The following SRP9 variants were observed in gnomAD, a reference collection of about 807,000 sequenced individuals.
SRP9 encodes signal recognition particle 9 kDa protein.
Under a neutral mutation model 11.7 loss-of-function variants are expected in SRP9, and 2 were observed. The observed-to-expected ratio is 0.17, with a 90% CI of 0.07 to 0.54. SRP9 has a LOEUF of 0.54. Among genes scored for constraint, SRP9 ranks in the 20% least tolerant of loss-of-function variants. SRP9 has a pLI of 0.94. For missense variants in SRP9, 54 were observed against 108.1 expected, an observed-to-expected ratio of 0.50 and a Z score of 2.22; for synonymous variants, 27 against 35.6, an observed-to-expected ratio of 0.76 and a Z score of 0.86.
At chr1:225,783,435 ATTTAC>A (rs886905335) in intron 2 of SRP9, 67 bp downstream of exon 2, 1 of 1,329,234 alleles carries the variant, frequency 7.5e-7, no homozygotes, top group South Asian at 1.2e-5. Flanking sequence ...GTTTGAAATT[ATTTAC>A]TTAGAGTTTA....
intron 2 of SRP9, 26 bp from the exon 3 acceptor site, chr1:225,789,214 A>C: frequency 6.2e-7 from 1 of 1,603,262 alleles, no homozygotes; most frequent in Non-Finnish European, 8.5e-7. Flanking sequence ...TATATAGTTA[A>C]TATGTACTTC....
At chr1:225,782,249 C>T (rs1665814662) in intron 1 of SRP9, among the ~76,000 whole-genome samples, 1 of 151,974 alleles carries the variant, frequency 6.6e-6, no homozygotes, top group Non-Finnish European at 1.5e-5. Context: ...CTGCAAGCTC[C>T]ACCTCCCTGG....
At chr1:225,784,891 C>T (rs1341386232) in intron 2 of SRP9, among the ~76,000 whole-genome samples, 1 of 152,008 alleles carries the variant, frequency 6.6e-6, no homozygotes, top group Non-Finnish European at 1.5e-5. Flanking sequence ...TACCTTCCTA[C>T]CTTTAGTTGC....
Position 225,778,078 on chromosome 1 carries a change from C to A in SRP9, c.72+66C>A. ...GGATGTCTTCCCGCCATCCACTCGGCCCCTGGAGCTTCCCCAGCGCTCCCA... is the reference window on the plus strand; with the variant it reads ...GGATGTCTTCCCGCCATCCACTCGGACCCTGGAGCTTCCCCAGCGCTCCCA... On this transcript the variant is annotated intron_variant, in intron 1 of 2. Coordinates refer to ENST00000304786, the MANE Select transcript of SRP9 (RefSeq NM_003133.6). 4 of 1,568,852 alleles carry A rather than the reference C, an allele frequency of 2.5e-6. No homozygotes were observed. The South Asian group carries it at 4.5e-5, about 18-fold the overall frequency.
At chr1:225,787,987 T>C (rs1665951078) in intron 2 of SRP9, among the ~76,000 whole-genome samples, 1 of 152,218 alleles carries the variant, frequency 6.6e-6, no homozygotes, top group African/African-American at 2.4e-5. Context: ...TAGTTCCTGT[T>C]GTTTAAAACT....
chr1:225,784,125 T>G (rs1665849790), intron 2 of SRP9, among the ~76,000 whole-genome samples: 2 of 151,896 alleles, frequency 1.3e-5, no homozygotes, highest in Non-Finnish European at 2.9e-5. Context: ...CTATGTCTAC[T>G]TGCAAATGTG....
intron 2 of SRP9, among the ~76,000 whole-genome samples, chr1:225,785,414 G>A (rs779787754): frequency 2.0e-5 from 3 of 150,452 alleles, no homozygotes; most frequent in Admixed American, 1.3e-4. Flanking sequence ...ATGGAGTCTC[G>A]CTCTGTCGCC....
At chr1:225,785,042 T>C (rs1665877551) in intron 2 of SRP9, among the ~76,000 whole-genome samples, 1 of 151,878 alleles carries the variant, frequency 6.6e-6, no homozygotes, top group Non-Finnish European at 1.5e-5. Context: ...CCCAAGTTGC[T>C]GGGATTACAC....
At chr1:225,780,473 C>T (rs145097627) in intron 1 of SRP9, among the ~76,000 whole-genome samples, 3 of 152,160 alleles carry the variant, frequency 2.0e-5, no homozygotes, top group African/African-American at 7.2e-5. Context: ...TCCGCCTCTA[C>T]GTGACAGGCA....
Position 225,789,715 on chromosome 1 carries a change from T to TA in SRP9, c.*360dup, listed in dbSNP as rs1665990012. On this transcript the variant is annotated 3_prime_UTR_variant, in exon 3 of 3. Coordinates refer to ENST00000304786, the MANE Select transcript of SRP9 (RefSeq NM_003133.6). ...TTCTTAAATTTAGTTCATCTTTCTT[T>TA]AAAAGAACATTAAATGTAACCATTT... 5.3e-6 allele frequency: 1 copy of TA among 188,512 alleles called. No individual in the cohort carries two copies. The allele number at this position is 188,512 out of a possible 1,614,324, so 11.7% of individuals were successfully genotyped here.
rs1156230911 is a variant in SRP9 at position 225,789,443 on chromosome 1, T to C, written c.*84T>C. Reference sequence around the variant, plus strand: ...GAAAGTGTTGGGACAGAAAGTACTTTATGTAACTAAGTGGGCTGTTCAGAA... The same window carrying C: ...GAAAGTGTTGGGACAGAAAGTACTTCATGTAACTAAGTGGGCTGTTCAGAA... On this transcript the variant is annotated 3_prime_UTR_variant, in exon 3 of 3. Coordinates refer to ENST00000304786, the MANE Select transcript of SRP9 (RefSeq NM_003133.6). 40 of 1,448,388 alleles carry C rather than the reference T, an allele frequency of 2.8e-5. No homozygotes were observed. The highest frequency in any genetic ancestry group is 5.1e-4 in the Middle Eastern group (2 of 3,910). 89.7% of individuals were successfully genotyped at this position (1,448,388 alleles called of 1,614,324 possible).
chr1:225,783,168 A>G (rs1367030343), intron 1 of SRP9, 132 bp from the exon 2 acceptor site: 7 of 597,324 alleles, frequency 1.2e-5, no homozygotes, highest in Non-Finnish European at 2.0e-5. Flanking sequence ...GGTTTAGTTT[A>G]TAGTAAAAAT....
At chr1:225,780,520 A>G (rs537836283) in intron 1 of SRP9, among the ~76,000 whole-genome samples, 89 of 152,290 alleles carry the variant, frequency 5.8e-4, no homozygotes, top group African/African-American at 2.0e-3. Context: ...CATTTAATAT[A>G]TATTTATGTG....
rs11555110 is a variant in SRP9, at chr1:225,789,782, G to T, written c.*423G>T. 5.7e-4 allele frequency: 97 copies of T among 170,110 alleles called. No individual in the cohort carries two copies. Among genetic ancestry groups the T allele is most frequent in the Middle Eastern group, 3.0e-3 (1 of 334 alleles). 10.5% of individuals were successfully genotyped at this position (170,110 alleles called of 1,614,324 possible). A position where few individuals can be genotyped will look rare whatever the true frequency, so the allele number is the denominator to read the frequency against. ...TTTGGAGCATAAAATGTATGCTGTT[G>T]TGACCAATAAATATAAAATATGGTA... On this transcript the variant is annotated 3_prime_UTR_variant, in exon 3 of 3. Coordinates refer to ENST00000304786, the MANE Select transcript of SRP9 (RefSeq NM_003133.6).
intron 1 of SRP9, 149 bp downstream of exon 1, chr1:225,778,161 T>C: frequency 2.2e-6 from 2 of 889,756 alleles, no homozygotes; most frequent in East Asian, 2.7e-5. Context: ...TGCTCTCTCG[T>C]CCCCTTCTTC....
intron 1 of SRP9, 74 bp downstream of exon 1, chr1:225,778,086 G>C (rs1289336178): frequency 9.1e-6 from 14 of 1,538,174 alleles, no homozygotes; most frequent in Non-Finnish European, 1.3e-5. Context: ...GGCCCCTGGA[G>C]CTTCCCCAGC....
At chr1:225,787,594 C>T (rs1230376589) in intron 2 of SRP9, among the ~76,000 whole-genome samples, 1 of 152,124 alleles carries the variant, frequency 6.6e-6, no homozygotes, top group Non-Finnish European at 1.5e-5. Flanking sequence ...GCCTTATCTC[C>T]AATTGATGGC....
chr1:225,779,927 A>G (rs1031322602), intron 1 of SRP9, among the ~76,000 whole-genome samples: 2 of 152,244 alleles, frequency 1.3e-5, no homozygotes, highest in Non-Finnish European at 2.9e-5. Flanking sequence ...GAGTAACTGT[A>G]CTGTAAGAAT....
intron 2 of SRP9, chr1:225,788,929 A>T: frequency 1.4e-6 from 2 of 1,404,584 alleles, no homozygotes; most frequent in Non-Finnish European, 1.9e-6. Context: ...GGAAGAAAAT[A>T]TCTAATTCTA....
Sources: gnomAD v4.1 joint callset for allele counts (sites outside exome capture counted in the v4.1 genomes callset) on GRCh38, gnomAD v4.1.1 for gene constraint, MANE v1.5 for transcripts, NCBI Gene and HGNC (gene_info 2026-07-23, HGNC 2026-07-21) for gene names.